ZNF804B: variants seen among roughly 807,000 people sequenced by gnomAD.
ZNF804B encodes the protein zinc finger 804B.
In ZNF804B, 80 loss-of-function variants were observed where a neutral mutation model predicts 101.4. The observed-to-expected ratio is 0.79, with a 90% confidence interval of 0.66 to 0.95. The LOEUF (loss-of-function observed/expected upper bound fraction) is 0.95. ZNF804B is among the 40% of genes least tolerant of loss of function. ZNF804B has a pLI of 0.00. For missense variants in ZNF804B, 1,673 were observed against 1,561.9 expected (o/e 1.07, Z -1.20); for synonymous variants, 622 against 558.8 (o/e 1.11, Z -1.59).
intron 2 of ZNF804B, among the ~76,000 whole-genome samples, chr7:89,298,214 GTGTATATATA>G (rs1266105964): frequency 3.9e-4 from 23 of 58,682 alleles, no homozygotes; most frequent in Admixed American, 1.1e-3. Flanking sequence ...GTGTGTGTGT[GTGTATATATA>G]TATATATATA....
intron 2 of ZNF804B, among the ~76,000 whole-genome samples, chr7:89,235,206 C>T (rs1007571007): frequency 6.6e-6 from 1 of 152,120 alleles, no homozygotes; most frequent in South Asian, 2.1e-4. Flanking sequence ...AACCTTTCCT[C>T]ACTCAACTAG....
intron 1 of ZNF804B, among the ~76,000 whole-genome samples, chr7:89,120,039 C>T (rs1562889552): frequency 6.6e-6 from 1 of 151,870 alleles, no homozygotes; most frequent in African/African-American, 2.4e-5. Flanking sequence ...AGAAGAAGCA[C>T]AGAAGAGATC....
chr7:89,213,395 A>C (rs567300435), intron 1 of ZNF804B, among the ~76,000 whole-genome samples: 1 of 152,352 alleles, frequency 6.6e-6, no homozygotes, highest in African/African-American at 2.4e-5. Context: ...TTTCATGCAA[A>C]GAATATGAAT....
chr7:89,110,311 C>G (rs749357271), intron 1 of ZNF804B, among the ~76,000 whole-genome samples: 3 of 152,050 alleles, frequency 2.0e-5, no homozygotes, highest in Non-Finnish European at 2.9e-5. Context: ...ATGAGAGGTC[C>G]TCACAGAGTT....
intron 1 of ZNF804B, among the ~76,000 whole-genome samples, chr7:89,054,649 C>A (rs1789263454): frequency 6.6e-6 from 1 of 151,926 alleles, no homozygotes; most frequent in Non-Finnish European, 1.5e-5. Flanking sequence ...GAAAAAACAA[C>A]TCTATTTTTC....
At chr7:89,276,839 T>C (rs568022767) in intron 2 of ZNF804B, among the ~76,000 whole-genome samples, 2 of 151,962 alleles carry the variant, frequency 1.3e-5, no homozygotes, top group East Asian at 3.9e-4. Flanking sequence ...AGGTATTCTG[T>C]AGTCTTTTTA....
chr7:88,826,193 T>C (rs532400380), intron 1 of ZNF804B, among the ~76,000 whole-genome samples: 12 of 152,296 alleles, frequency 7.9e-5, no homozygotes, highest in African/African-American at 2.6e-4. Context: ...TTCAATAATT[T>C]TACTACTTCT....
At chr7:89,058,309 C>G (rs575114141) in intron 1 of ZNF804B, among the ~76,000 whole-genome samples, 4 of 152,158 alleles carry the variant, frequency 2.6e-5, no homozygotes, top group East Asian at 1.9e-4. Context: ...AGGTTTCTAC[C>G]TTTATGGCTT....
chr7:88,966,667 A>T lies in ZNF804B; in HGVS notation c.108+206583A>T, dbSNP rs1038866794. ...CCTTCTAAACTCATACTAAGGTGCT[A>T]GTCTTTTCCTGTCTGTATGTGAAGT... On this transcript the variant is annotated intron_variant, in intron 1 of 3. Transcript: ENST00000333190. 3.3e-5 allele frequency among the ~76,000 whole-genome samples: 5 copies of T among 151,508 alleles called. No individual in the cohort carries two copies. The East Asian group carries it at 9.8e-4, about 30-fold the overall frequency.
intron 1 of ZNF804B, among the ~76,000 whole-genome samples, chr7:89,151,700 G>GA (rs35294486): frequency 0.41 from 60,331 of 148,668 alleles, 12,065 homozygotes; most frequent in Middle Eastern, 0.54. Flanking sequence ...CAGATCTCCT[G>GA]AAAAAAAAAA....
At chr7:89,092,773 G>T (rs1233361098) in intron 1 of ZNF804B, among the ~76,000 whole-genome samples, 1 of 152,032 alleles carries the variant, frequency 6.6e-6, no homozygotes, top group African/African-American at 2.4e-5. Context: ...CCATTATTGT[G>T]ATTATGATTA....
chr7:89,319,233 G>A (rs1426495515), intron 2 of ZNF804B, among the ~76,000 whole-genome samples: 1 of 151,980 alleles, frequency 6.6e-6, no homozygotes, highest in Non-Finnish European at 1.5e-5. Flanking sequence ...CCAGATTTGG[G>A]GGGGCTTGCT....
intron 1 of ZNF804B, among the ~76,000 whole-genome samples, chr7:88,865,011 C>T (rs998850481): frequency 1.3e-5 from 2 of 151,484 alleles, no homozygotes; most frequent in African/African-American, 4.8e-5. Context: ...GGTGGATCAC[C>T]TGAGGTCAGG....
At chr7:88,848,300 G>C (rs1390093124) in intron 1 of ZNF804B, among the ~76,000 whole-genome samples, 1 of 152,170 alleles carries the variant, frequency 6.6e-6, no homozygotes, top group African/African-American at 2.4e-5. Context: ...CCACATTATG[G>C]GGGCAGAAGG....
chr7:89,223,052 T>G (rs1277845438), intron 2 of ZNF804B, among the ~76,000 whole-genome samples: 1 of 151,910 alleles, frequency 6.6e-6, no homozygotes, highest in Non-Finnish European at 1.5e-5. Context: ...CAAAGCTAAA[T>G]CTGTCCATTT....
At chr7:88,997,990 A>T (rs1788225513) in intron 1 of ZNF804B, among the ~76,000 whole-genome samples, 1 of 152,014 alleles carries the variant, frequency 6.6e-6, no homozygotes, top group South Asian at 2.1e-4. Context: ...CACTCTTATT[A>T]GCCTACCACG....
chr7:88,862,891 A>G (rs1356572385), intron 1 of ZNF804B, among the ~76,000 whole-genome samples: 1 of 152,068 alleles, frequency 6.6e-6, no homozygotes, highest in African/African-American at 2.4e-5. Flanking sequence ...CTGAGAAACC[A>G]TTTCACACCT....
At chr7:89,333,306 G>A (rs1791014717) in intron 3 of ZNF804B, 57 bp from the exon 4 acceptor site, 1 of 1,400,724 alleles carries the variant, frequency 7.1e-7, no homozygotes, top group Admixed American at 2.6e-5. Flanking sequence ...ATGTTCATAT[G>A]TAGATATGAT....
intron 2 of ZNF804B, among the ~76,000 whole-genome samples, chr7:89,297,587 AT>A (rs1401774527): frequency 4.6e-5 from 7 of 152,044 alleles, no homozygotes; most frequent in African/African-American, 1.7e-4. Context: ...ATTTCTGAGC[AT>A]TTATCACTTT....
Sources: allele counts gnomAD v4.1 joint callset (sites outside exome capture counted in the v4.1 genomes callset), GRCh38; gene constraint gnomAD v4.1.1; transcripts MANE v1.5; gene names NCBI Gene and HGNC (gene_info 2026-07-23, HGNC 2026-07-21).